Variants in TRPV5 observed in about 807,000 individuals in gnomAD.
TRPV5 encodes the protein calcium transport protein 2.
TRPV5 carries 66 observed loss-of-function variants against 74.1 expected under a neutral mutation model. The observed-to-expected ratio is 0.89, with a 90% CI of 0.73 to 1.09. TRPV5 has a LOEUF of 1.09. TRPV5 is among the 50% of genes least tolerant of loss of function. TRPV5 has a pLI of 0.00. For synonymous variants in TRPV5, 399 were observed against 360.7 expected (o/e 1.11, Z -1.20); for missense variants, 936 against 930.4 (o/e 1.01, Z -0.08).
chr7:142,924,315 C>CATATACATGTATATATATACATATATAT lies in TRPV5; in HGVS notation c.1122+1213_1122+1214insATATATATGTATATATATACATGTATAT, dbSNP rs1795940394. ...GTATATATATACATATATATATACA[C>CATATACATGTATATATATACATATATAT]ACATATACATGTATATATATACATA... On this transcript the variant is annotated intron_variant, in intron 8 of 14. Transcript: ENST00000265310. Among the ~76,000 whole-genome samples, 116 of 16,736 alleles carry CATATACATGTATATATATACATATATAT rather than the reference C, an allele frequency of 6.9e-3. 5 individuals carry two copies. The highest frequency in any genetic ancestry group is 0.023 in the African/African-American group (108 of 4,754). 11.0% of individuals were successfully genotyped at this position (16,736 alleles called of 152,430 possible).
At chr7:142,922,408 G>C (rs1255037997) in intron 8 of TRPV5, among the ~76,000 whole-genome samples, 1 of 152,172 alleles carries the variant, frequency 6.6e-6, no homozygotes, top group Non-Finnish European at 1.5e-5. Context: ...CAGAGTGGTG[G>C]GCCTAAGACT....
rs185983926 is a variant in TRPV5 at position 142,931,577 on chromosome 7, C to T, written c.129-1131G>A. Reference sequence around the variant, plus strand: ...GACATATGTGTATTGGCCCCAAAGGCAAGCACATGGTGTAGGGGGAAGAAC... The same window carrying T: ...GACATATGTGTATTGGCCCCAAAGGTAAGCACATGGTGTAGGGGGAAGAAC... On this transcript the variant is annotated intron_variant, in intron 1 of 14. Coordinates refer to ENST00000265310, the MANE Select transcript of TRPV5 (RefSeq NM_019841.7). Among the ~76,000 whole-genome samples the T allele has an allele frequency of 5.3e-3, 806 of 152,302 alleles. 2 individuals carry two copies. The highest frequency in any genetic ancestry group is 9.4e-3 in the Non-Finnish European group (641 of 68,034).
rs575947825 is a variant in TRPV5, at chr7:142,928,546, A to C, written c.762+145T>G. 3.3e-6 allele frequency: 4 copies of C among 1,215,740 alleles called. No individual in the cohort carries two copies. In the East Asian group the frequency reaches 7.7e-5, roughly 23 times the overall value. 75.3% of individuals were successfully genotyped at this position (1,215,740 alleles called of 1,614,324 possible). ...TGAAGATTTCAGTGATGGAATAGGAAGCAAGGGACCACCATCCCTTTGGGG... is the reference window on the plus strand; with the variant it reads ...TGAAGATTTCAGTGATGGAATAGGACGCAAGGGACCACCATCCCTTTGGGG... On this transcript the variant is annotated intron_variant, in intron 6 of 14. Coordinates refer to ENST00000265310, the MANE Select transcript of TRPV5 (RefSeq NM_019841.7).
intron 8 of TRPV5, among the ~76,000 whole-genome samples, chr7:142,923,458 C>T (rs1015838598): frequency 1.3e-5 from 2 of 152,150 alleles, no homozygotes; most frequent in Admixed American, 1.3e-4. Flanking sequence ...TCCCATAAAT[C>T]AGGGCCAGGG....
chr7:142,932,468 C>T (rs1208773390), intron 1 of TRPV5, among the ~76,000 whole-genome samples: 3 of 152,184 alleles, frequency 2.0e-5, no homozygotes, highest in Admixed American at 2.0e-4. Context: ...TTATTAAGAA[C>T]TTGAAGATGA....
rs749007813 is a variant in TRPV5, at chr7:142,908,467, G to GC, written c.*46dup. On this transcript the variant is annotated 3_prime_UTR_variant, in exon 15 of 15. Transcript: ENST00000265310. ...GGCAGAGGTCTCCGTCTCTGTCCCC[G>GC]CCCCCAGGCCAACCGGGAGTAAGGT... 15 of 1,597,998 alleles carry GC rather than the reference G, an allele frequency of 9.4e-6. No individual in the cohort carries two copies. The African/African-American group carries it at 2.0e-4, about 21-fold the overall frequency.
chr7:142,926,755 T>C (rs183919127), intron 7 of TRPV5, among the ~76,000 whole-genome samples: 1 of 152,154 alleles, frequency 6.6e-6, no homozygotes, highest in East Asian at 1.9e-4. Flanking sequence ...CAAGGATATG[T>C]GGTGGCGAAA....
chr7:142,910,287 A>G (rs1795682902), intron 13 of TRPV5, among the ~76,000 whole-genome samples: 1 of 152,244 alleles, frequency 6.6e-6, no homozygotes, highest in African/African-American at 2.4e-5. Flanking sequence ...CTAAGGTCCT[A>G]TATTTACATT....
chr7:142,918,904 A>G (rs1447424184), intron 8 of TRPV5, among the ~76,000 whole-genome samples: 1 of 152,216 alleles, frequency 6.6e-6, no homozygotes, highest in Non-Finnish European at 1.5e-5. Context: ...AAACCAGAGT[A>G]CCAAACGGGA....
At position 142,912,533 on chromosome 7, in the gene TRPV5, G is replaced by A. The variant is rs10273317; in HGVS notation, c.1737C>T (p.Gly579=). Reference sequence around the variant, plus strand: ...CCTGGGCCACCCTCCAGTGGGTGTCGCCCATCATGGCGATGAACAAGTTGA... The same window carrying A: ...CCTGGGCCACCCTCCAGTGGGTGTCACCCATCATGGCGATGAACAAGTTGA... ...LMLNLFIAMM[G]DTHWRVAQER... is the part of the protein sequence containing the mutation. The change falls in exon 13 of 15, where the codon GGC becomes GGT. Residue 579 remains glycine (G), a synonymous_variant. Coordinates refer to ENST00000265310, the MANE Select transcript of TRPV5 (RefSeq NM_019841.7). 1,426 of 1,614,200 alleles carry A rather than the reference G, an allele frequency of 8.8e-4. 17 individuals are homozygous for A. In the African/African-American group the frequency reaches 0.017, roughly 19 times the overall value.
intron 13 of TRPV5, among the ~76,000 whole-genome samples, chr7:142,911,304 T>C (rs1795700587): frequency 6.6e-6 from 1 of 152,230 alleles, no homozygotes; most frequent in East Asian, 1.9e-4. Flanking sequence ...AGTTTAATTC[T>C]CTAAACTTCC....
Position 142,929,501 on chromosome 7 carries a change from G to T in TRPV5, c.414C>A (p.Thr138=), listed in dbSNP as rs1796047666. 1.2e-6 allele frequency: 2 copies of T among 1,614,154 alleles called. No individual in the cohort carries two copies. The highest frequency in any genetic ancestry group is 1.7e-6 in the Non-Finnish European group (2 of 1,180,012). The change falls in exon 4 of 15, where the codon ACC becomes ACA. Residue 138 remains threonine, a synonymous_variant. Transcript: ENST00000265310. ...CTCTGGCAGAGACACTGGCCCTGCG[G>T]GTGAGCAGGGCACGCACCAGGTTCA... is the stretch of plus-strand genomic sequence containing the variant. The part of the protein sequence containing the change: ...QNVNLVRALL[T]RRASVSARAT...
rs1260087078 is a variant in TRPV5 at position 142,925,637 on chromosome 7, G to A, written c.1014C>T (p.Leu338=). The change falls in exon 8 of 15, where the codon CTC becomes CTT. Residue 338 remains leucine (L), a synonymous_variant. Coordinates refer to ENST00000265310, the MANE Select transcript of TRPV5 (RefSeq NM_019841.7). ...YFCILAALYL[L]YMICFTTCCV... Reference sequence around the variant, plus strand: ...AGCACGTAGTAAAGCAGATCATGTAGAGCAGGTACAAGGCAGCCAGGATGC... The same window carrying A: ...AGCACGTAGTAAAGCAGATCATGTAAAGCAGGTACAAGGCAGCCAGGATGC... The A allele has an allele frequency of 6.2e-7, 1 of 1,614,198 alleles. No individual in the cohort carries two copies. Among genetic ancestry groups the A allele is most frequent in the South Asian group, 1.1e-5 (1 of 91,084 alleles).
intron 13 of TRPV5, among the ~76,000 whole-genome samples, chr7:142,912,062 C>A (rs1795710031): frequency 6.6e-6 from 1 of 152,180 alleles, no homozygotes; most frequent in African/African-American, 2.4e-5. Flanking sequence ...AGGAGGTCAA[C>A]TTGAGGGCCA....
rs751043515 is a variant in TRPV5 at position 142,914,880 on chromosome 7, C to T, written c.1452+1G>A. On this transcript the variant is annotated splice_donor_variant, in intron 11 of 14. Transcript: ENST00000265310. LOFTEE classifies it high-confidence loss of function. Reference sequence around the variant, plus strand: ...GGAGGAAGCTTCGGGAAAGCACTGACCTTCTGGATCATGATGGTGAAGGGA... The same window carrying T: ...GGAGGAAGCTTCGGGAAAGCACTGATCTTCTGGATCATGATGGTGAAGGGA... The T allele has an allele frequency of 6.2e-7, 1 of 1,614,000 alleles. No homozygotes were observed. Among genetic ancestry groups the T allele is most frequent in the Non-Finnish European group, 8.5e-7 (1 of 1,179,952 alleles).
intron 5 of TRPV5, 70 bp downstream of exon 5, chr7:142,928,952 C>T: frequency 6.2e-7 from 1 of 1,612,300 alleles, no homozygotes; most frequent in Non-Finnish European, 8.5e-7. Context: ...CTAAAGGTCC[C>T]AGCTCCACTC....
At chr7:142,930,673 G>T (rs1201485057) in intron 1 of TRPV5, among the ~76,000 whole-genome samples, 1 of 152,224 alleles carries the variant, frequency 6.6e-6, no homozygotes, top group African/African-American at 2.4e-5. Context: ...CTGTGAGGAT[G>T]GCCCTTGAAG....
intron 7 of TRPV5, among the ~76,000 whole-genome samples, chr7:142,926,050 A>G (rs572853295): frequency 6.6e-6 from 1 of 152,282 alleles, no homozygotes; most frequent in African/African-American, 2.4e-5. Flanking sequence ...CCAGGTCAGG[A>G]AGGTCTGAGA....
intron 13 of TRPV5, among the ~76,000 whole-genome samples, chr7:142,911,186 A>G (rs761460080): frequency 2.6e-5 from 4 of 152,200 alleles, no homozygotes; most frequent in Non-Finnish European, 5.9e-5. Context: ...TCTCACAAAC[A>G]CGATGGGAGA....
Sources: gnomAD v4.1 joint callset for allele counts (sites outside exome capture counted in the v4.1 genomes callset) on GRCh38, gnomAD v4.1.1 for gene constraint, MANE v1.5 for transcripts, NCBI Gene and HGNC (gene_info 2026-07-23, HGNC 2026-07-21) for gene names.